The following PAK3 variants were observed in gnomAD, a reference collection of about 807,000 sequenced individuals.
The protein encoded by PAK3 is p21 (RAC1) activated kinase 3.
Under a neutral mutation model 41.0 loss-of-function variants are expected in PAK3, and 4 were observed. The observed-to-expected ratio is 0.10, with a 90% confidence interval of 0.05 to 0.22. The LOEUF (loss-of-function observed/expected upper bound fraction) is 0.22, where lower values mean the gene tolerates loss of function less well. Among genes scored for constraint, PAK3 ranks in the 10% least tolerant of loss-of-function variants. The pLI is 1.00. For missense variants in PAK3, 205 were observed against 409.9 expected, an observed-to-expected ratio of 0.50 and a Z score of 4.32; for synonymous variants, 146 against 139.6, an observed-to-expected ratio of 1.05 and a Z score of -0.32.
chrX:111,085,030 G>T (rs1042471838), intron 1 of PAK3, among the ~76,000 whole-genome samples: 2 of 111,910 alleles, frequency 1.8e-5, no homozygotes, highest in Non-Finnish European at 3.8e-5. Flanking sequence ...CTCCTTAGAT[G>T]AAAATGTATT....
At chrX:110,986,337 G>A (rs755413879) in intron 1 of PAK3, among the ~76,000 whole-genome samples, 1 of 111,849 alleles carries the variant, frequency 8.9e-6, no homozygotes, top group African/African-American at 3.3e-5. Flanking sequence ...CACATGGGAA[G>A]AGAAATTGAC....
At chrX:111,110,123 G>GC (rs2093344743) in intron 4 of PAK3, among the ~76,000 whole-genome samples, 2 of 112,197 alleles carry the variant, frequency 1.8e-5, no homozygotes, top group African/African-American at 6.5e-5. Context: ...TAAGATTTCA[G>GC]TGAATGATAG....
At chrX:111,131,449 C>T (rs2093715834) in intron 5 of PAK3, among the ~76,000 whole-genome samples, 1 of 111,278 alleles carries the variant, frequency 9.0e-6, no homozygotes, top group Non-Finnish European at 1.9e-5. Context: ...TCTTATTCAG[C>T]GTGTACTGTC....
At chrX:111,086,903 C>G (rs2092889364) in intron 1 of PAK3, among the ~76,000 whole-genome samples, 1 of 111,950 alleles carries the variant, frequency 8.9e-6, no homozygotes, top group Admixed American at 9.5e-5. Flanking sequence ...AGGCCTCAAA[C>G]AAACAGATAA....
In PAK3 at chrX:111,060,049, T is replaced by C. The variant is rs1346849012; in HGVS notation, c.-27-63028T>C. Among the ~76,000 whole-genome samples, 4 of 111,822 alleles carry C rather than the reference T, an allele frequency of 3.6e-5. No homozygotes were observed. The Admixed American group carries it at 3.8e-4, about 11-fold the overall frequency. ...ACTTTCAGTCTTCCATTATTAAGTA[T>C]GATGTTAGCTGTGAGTTTTTCATCG... is the stretch of plus-strand genomic sequence containing the variant. On this transcript the variant is annotated intron_variant, in intron 1 of 14. Transcript: ENST00000425146.
chrX:111,152,398 C>T lies in PAK3; in HGVS notation c.431-12C>T. ...ATGAAACAAAAATGACCTCTCTATT[C>T]TCACTTTGCAGATAAAAGTGCACAT... On this transcript the variant is annotated splice_polypyrimidine_tract_variant and intron_variant, in intron 7 of 17. Coordinates refer to ENST00000372007, the MANE Select transcript of PAK3 (RefSeq NM_002578.5). 5 of 1,147,957 alleles carry T rather than the reference C, an allele frequency of 4.4e-6. No homozygotes were observed. The highest frequency in any genetic ancestry group is 4.8e-6 in the Non-Finnish European group (4 of 838,526). 94.6% of individuals were successfully genotyped at this position (1,147,957 alleles called of 1,213,427 possible).
At chrX:111,109,439 C>A (rs1207301407) in intron 4 of PAK3, among the ~76,000 whole-genome samples, 1 of 111,787 alleles carries the variant, frequency 8.9e-6, no homozygotes, top group African/African-American at 3.3e-5. Context: ...AGCTAGGTGT[C>A]AGTATTCATT....
At chrX:111,092,432 C>T (rs207478734), upstream of PAK3, among the ~76,000 whole-genome samples, 5 of 111,803 alleles carry the variant, frequency 4.5e-5, no homozygotes, top group African/African-American at 9.8e-5. Context: ...TCATAATACA[C>T]GTGCTGTTCT....
intron 4 of PAK3, among the ~76,000 whole-genome samples, chrX:111,110,645 C>A (rs2148938598): frequency 9.0e-6 from 1 of 111,059 alleles, no homozygotes; most frequent in African/African-American, 3.3e-5. Flanking sequence ...CCATTCACCA[C>A]CAAGAGGAAA....
At chrX:110,981,934 G>A (rs1233062032) in intron 1 of PAK3, among the ~76,000 whole-genome samples, 1 of 111,783 alleles carries the variant, frequency 8.9e-6, no homozygotes, top group African/African-American at 3.3e-5. Context: ...CTAGATATGG[G>A]TAGAGAGAGA....
intron 16 of PAK3, among the ~76,000 whole-genome samples, chrX:111,206,187 G>A (rs1386532900): frequency 9.0e-6 from 1 of 110,656 alleles, no homozygotes; most frequent in Admixed American, 9.7e-5. Flanking sequence ...ATTGTCTTTT[G>A]GCCCCTGTTT....
chrX:111,050,204 C>T (rs930517043), intron 1 of PAK3, among the ~76,000 whole-genome samples: 2 of 111,178 alleles, frequency 1.8e-5, no homozygotes, highest in Non-Finnish European at 3.8e-5. Flanking sequence ...GATGTTTTTT[C>T]CCAGGTAGGG....
At chrX:110,945,220 G>GGTGT (rs764504662) in intron 1 of PAK3, among the ~76,000 whole-genome samples, 18 of 107,947 alleles carry the variant, frequency 1.7e-4, no homozygotes, top group East Asian at 5.9e-4. Flanking sequence ...GAGTTGGAGT[G>GGTGT]GTGTGTGTGT....
intron 1 of PAK3, among the ~76,000 whole-genome samples, chrX:110,999,958 ACT>A (rs751337747): frequency 6.3e-5 from 7 of 111,179 alleles, no homozygotes; most frequent in Non-Finnish European, 1.3e-4. Flanking sequence ...ACAGAGTGAG[ACT>A]CTGTCTCAAA....
At chrX:111,087,744 A>T (rs1171887728) in intron 1 of PAK3, among the ~76,000 whole-genome samples, 2 of 64,104 alleles carry the variant, frequency 3.1e-5, no homozygotes, top group Non-Finnish European at 6.0e-5. Flanking sequence ...TAATCAGGAC[A>T]GGGACTGCAA....
chrX:110,996,805 T>A (rs918370772), intron 1 of PAK3, among the ~76,000 whole-genome samples: 3 of 112,162 alleles, frequency 2.7e-5, no homozygotes, highest in Non-Finnish European at 5.6e-5. Context: ...CCTCCAGAAC[T>A]GTCAGGGATA....
At chrX:111,041,915 T>G (rs1192298432) in intron 1 of PAK3, among the ~76,000 whole-genome samples, 1 of 112,034 alleles carries the variant, frequency 8.9e-6, no homozygotes, top group African/African-American at 3.2e-5. Flanking sequence ...GTTTTATTAC[T>G]GCATATATAT....
At chrX:111,150,774 A>G (rs766740766) in intron 7 of PAK3, among the ~76,000 whole-genome samples, 1 of 112,137 alleles carries the variant, frequency 8.9e-6, no homozygotes, top group African/African-American at 3.2e-5. Context: ...ACTGAAATAT[A>G]TATACCAAAT....
intron 1 of PAK3, among the ~76,000 whole-genome samples, chrX:111,067,444 A>C (rs1345789844): frequency 9.0e-6 from 1 of 111,725 alleles, no homozygotes; most frequent in Non-Finnish European, 1.9e-5. Flanking sequence ...CCAAGGTCAC[A>C]CAGCTTGGAT....
Sources: allele counts gnomAD v4.1 joint callset (sites outside exome capture counted in the v4.1 genomes callset), GRCh38; gene constraint gnomAD v4.1.1; transcripts MANE v1.5; gene names NCBI Gene and HGNC (gene_info 2026-07-23, HGNC 2026-07-21).